Variants in RPS6KA2 observed in about 807,000 individuals in gnomAD.
RPS6KA2 encodes ribosomal protein S6 kinase A2.
Under a neutral mutation model 91.8 loss-of-function variants are expected in RPS6KA2, and 42 were observed. The observed-to-expected ratio is 0.46, with a 90% CI of 0.36 to 0.59. The LOEUF (loss-of-function observed/expected upper bound fraction) is 0.59. Ranked by LOEUF, RPS6KA2 falls within the 20% of genes least tolerant of loss-of-function variation. The pLI is 0.00. For synonymous variants in RPS6KA2, 414 were observed against 393.6 expected (o/e 1.05, Z -0.61); for missense variants, 798 against 978.5 (o/e 0.82, Z 2.46).
chr6:166,513,650 G>A (rs928177610), intron 3 of RPS6KA2, among the ~76,000 whole-genome samples: 2 of 152,190 alleles, frequency 1.3e-5, no homozygotes, highest in African/African-American at 4.8e-5. Flanking sequence ...CACAGGGGCA[G>A]CATGGACTGT....
At chr6:166,589,970 A>C (rs1056681613) in intron 1 of RPS6KA2, among the ~76,000 whole-genome samples, 7 of 152,158 alleles carry the variant, frequency 4.6e-5, no homozygotes, top group Non-Finnish European at 1.0e-4. Flanking sequence ...AAACAAGAAC[A>C]GGAAGGGCCA....
intron 1 of RPS6KA2, among the ~76,000 whole-genome samples, chr6:166,540,786 G>A (rs1783628813): frequency 6.6e-6 from 1 of 152,074 alleles, no homozygotes; most frequent in Non-Finnish European, 1.5e-5. Context: ...AAAAAAATGA[G>A]GCCCTCAGGG....
chr6:166,807,463 C>G (rs972457734), intron 2 of RPS6KA2, among the ~76,000 whole-genome samples: 1 of 152,144 alleles, frequency 6.6e-6, no homozygotes. Flanking sequence ...TTGCAGGTCT[C>G]CCCGCTTCTG....
chr6:166,660,741 G>A (rs1265868733), intron 2 of RPS6KA2, among the ~76,000 whole-genome samples: 1 of 152,156 alleles, frequency 6.6e-6, no homozygotes, highest in African/African-American at 2.4e-5. Flanking sequence ...TCTTCCCTTA[G>A]TGCTGTCTAG....
intron 10 of RPS6KA2, among the ~76,000 whole-genome samples, chr6:166,480,479 TTATA>T (rs3066214): frequency 0.31 from 30,543 of 99,214 alleles, 4,709 homozygotes; most frequent in Middle Eastern, 0.34. Flanking sequence ...GATTGTGATT[TTATA>T]TATATATATA....
intron 2 of RPS6KA2, among the ~76,000 whole-genome samples, chr6:166,723,906 G>A (rs905494624): frequency 6.6e-6 from 1 of 152,006 alleles, no homozygotes; most frequent in Admixed American, 6.5e-5. Flanking sequence ...CTCCATGTTG[G>A]CCAGGCTGGC....
chr6:166,727,608 C>G (rs1790381113), intron 2 of RPS6KA2, among the ~76,000 whole-genome samples: 1 of 152,060 alleles, frequency 6.6e-6, no homozygotes, highest in South Asian at 2.1e-4. Flanking sequence ...CACCGGCACT[C>G]TAATGTACCA....
chr6:166,721,024 C>G (rs909502152), intron 2 of RPS6KA2, among the ~76,000 whole-genome samples: 6 of 152,108 alleles, frequency 3.9e-5, no homozygotes, highest in Non-Finnish European at 7.4e-5. Flanking sequence ...TGGAAATGAC[C>G]CCACTAGTCT....
rs751177884 is a variant in RPS6KA2 at position 166,821,424 on chromosome 6, C to A, written c.123+36776G>T. On this transcript the variant is annotated intron_variant, in intron 2 of 21. Coordinates refer to the RPS6KA2 transcript ENST00000503859. The surrounding 1 kb of genome is among the most constrained non-coding windows in gnomAD (Gnocchi z 4.1). ...GCTGTAGGATGGAGGGGTGGAGAGG[C>A]AGGCAGGCAGAAACACAGGAGGCCT... is the stretch of plus-strand genomic sequence containing the variant. Among the ~76,000 whole-genome samples, 19 of 152,124 alleles carry A rather than the reference C, an allele frequency of 1.2e-4. No individual in the cohort carries two copies. Among genetic ancestry groups the A allele is most frequent in the Non-Finnish European group, 2.4e-4 (16 of 68,030 alleles).
chr6:166,824,788 T>TGTGTGTCTGC, intron 2 of RPS6KA2, among the ~76,000 whole-genome samples: 1 of 149,136 alleles, frequency 6.7e-6, no homozygotes, highest in African/African-American at 2.5e-5. Context: ...TGTGTGTCTG[T>TGTGTGTCTGC]GTGTGTGTCT....
rs1480736633 is a variant in RPS6KA2, at chr6:166,745,146, G to GT, written c.123+113053_123+113054insA. Among the ~76,000 whole-genome samples, 1,243 of 141,596 alleles carry GT rather than the reference G, an allele frequency of 8.8e-3. 31 individuals are homozygous for GT. The highest frequency in any genetic ancestry group is 0.031 in the African/African-American group (1,153 of 36,732). The allele number at this position is 141,596 out of a possible 152,430, so 92.9% of individuals were successfully genotyped here. A position where few individuals can be genotyped will look rare whatever the true frequency, so the allele number is the denominator to read the frequency against. ...TCTGTGTGTGTCTGTGTCCTAATCG[G>GT]CCTTTTTTTTTTTTTTTTTTTTGAG... On this transcript the variant is annotated intron_variant, in intron 2 of 21. Coordinates refer to the RPS6KA2 transcript ENST00000503859.
chr6:166,480,136 G>A (rs775169162), intron 10 of RPS6KA2, among the ~76,000 whole-genome samples: 1 of 152,048 alleles, frequency 6.6e-6, no homozygotes, highest in African/African-American at 2.4e-5. Flanking sequence ...GATTTTTCAG[G>A]TTGACTTATG....
intron 10 of RPS6KA2, chr6:166,475,977 T>C (rs1352012160): frequency 2.6e-6 from 1 of 378,848 alleles, no homozygotes; most frequent in African/African-American, 2.1e-5. Context: ...CAAATTTGTA[T>C]GCTGAAGCCC....
intron 11 of RPS6KA2, among the ~76,000 whole-genome samples, chr6:166,463,997 G>C (rs532271211): frequency 6.6e-6 from 1 of 152,268 alleles, no homozygotes; most frequent in African/African-American, 2.4e-5. Context: ...TTCCCTGAAG[G>C]GGGAGTGCTC....
chr6:166,819,038 T>C (rs939095773), intron 2 of RPS6KA2, among the ~76,000 whole-genome samples: 8 of 152,042 alleles, frequency 5.3e-5, no homozygotes, highest in African/African-American at 1.9e-4. Flanking sequence ...TGAAACCCTT[T>C]CAGTGGACAG....
At chr6:166,845,508 G>C (rs1034363172) in intron 2 of RPS6KA2, among the ~76,000 whole-genome samples, 1 of 152,082 alleles carries the variant, frequency 6.6e-6, no homozygotes, top group African/African-American at 2.4e-5. Context: ...GTTATATCAA[G>C]TACTCTCTCA....
intron 2 of RPS6KA2, among the ~76,000 whole-genome samples, chr6:166,754,986 G>A (rs1034284113): frequency 2.6e-5 from 4 of 152,168 alleles, no homozygotes; most frequent in Admixed American, 6.5e-5. Context: ...TGGGCTCTGT[G>A]ATTTCAATGA....
At chr6:166,658,353 G>T (rs1280827453) in intron 2 of RPS6KA2, among the ~76,000 whole-genome samples, 1 of 152,218 alleles carries the variant, frequency 6.6e-6, no homozygotes, top group Non-Finnish European at 1.5e-5. Context: ...TGTACGCAGA[G>T]ATCACAAGGC....
chr6:166,762,546 G>A (rs966320183), intron 2 of RPS6KA2, among the ~76,000 whole-genome samples: 1 of 152,172 alleles, frequency 6.6e-6, no homozygotes, highest in Non-Finnish European at 1.5e-5. Flanking sequence ...TTACGCAGCT[G>A]ATCTCGAATC....
Sources: allele counts gnomAD v4.1 joint callset (sites outside exome capture counted in the v4.1 genomes callset), GRCh38; gene constraint gnomAD v4.1.1; non-coding constraint Gnocchi (gnomAD v3.1); transcripts MANE v1.5; gene names NCBI Gene and HGNC (gene_info 2026-07-23, HGNC 2026-07-21).